Variants in NEBL observed in about 807,000 individuals in gnomAD.
NEBL encodes the protein LIM and SH3 protein 2.
NEBL carries 122 observed loss-of-function variants against 140.2 expected under a neutral mutation model. The observed-to-expected ratio is 0.87, with a 90% CI of 0.75 to 1.01. NEBL has a LOEUF of 1.01. Ranked by LOEUF, NEBL falls within the 50% of genes least tolerant of loss-of-function variation. NEBL has a pLI of 0.00. For synonymous variants in NEBL, 436 were observed against 398.9 expected, an observed-to-expected ratio of 1.09 and a Z score of -1.11; for missense variants, 1,365 against 1,231.3, an observed-to-expected ratio of 1.11 and a Z score of -1.62.
At chr10:21,229,492 T>G (rs1307667861) in intron 3 of NEBL, among the ~76,000 whole-genome samples, 1 of 152,212 alleles carries the variant, frequency 6.6e-6, no homozygotes, top group East Asian at 1.9e-4. Flanking sequence ...AAAGGCAGCA[T>G]GAATTAGTCA....
intron 21 of NEBL, among the ~76,000 whole-genome samples, 165 bp downstream of exon 21, chr10:20,817,435 G>A (rs774388536): frequency 6.6e-6 from 1 of 152,150 alleles, no homozygotes; most frequent in Non-Finnish European, 1.5e-5. Context: ...ACACCTGACT[G>A]TACCCACAAT....
At chr10:20,813,135 C>A (rs1460533237) in intron 23 of NEBL, among the ~76,000 whole-genome samples, 195 bp from the exon 24 acceptor site, 1 of 151,692 alleles carries the variant, frequency 6.6e-6, no homozygotes, top group African/African-American at 2.4e-5. Flanking sequence ...GATATTTTCA[C>A]AAAGTTTTTA....
intron 5 of NEBL, among the ~76,000 whole-genome samples, chr10:20,870,268 G>T (rs1156331188): frequency 6.8e-6 from 1 of 147,750 alleles, no homozygotes; most frequent in Admixed American, 6.9e-5. Flanking sequence ...AGAGGTTGCA[G>T]TGCACCAAGA....
intron 2 of NEBL, among the ~76,000 whole-genome samples, chr10:21,094,499 C>CAAAAAAAAAAAA (rs72278772): frequency 1.6e-5 from 1 of 63,186 alleles, no homozygotes; most frequent in Admixed American, 2.9e-4. Context: ...GACTCCGTCT[C>CAAAAAAAAAAAA]AAAAAAAAAA....
At chr10:21,227,653 T>TTTCTTCTTCTTCTTCTTCTTCTTCTTC (rs549558619) in intron 3 of NEBL, among the ~76,000 whole-genome samples, 8 of 83,242 alleles carry the variant, frequency 9.6e-5, no homozygotes, top group South Asian at 4.2e-4. Flanking sequence ...GCACTTGAAG[T>TTTCTTCTTCTTCTTCTTCTTCTTCTTC]TTCTTCTTCT....
rs41277364 is a variant in NEBL at position 20,787,183 on chromosome 10, G to A, written c.2868+19C>T. 38 of 1,557,328 alleles carry A rather than the reference G, an allele frequency of 2.4e-5. No individual in the cohort carries two copies. The highest frequency in any genetic ancestry group is 1.5e-4 in the South Asian group (13 of 88,048). Reference sequence around the variant, plus strand: ...ATGGGAAGACCAGCTAAGGAGGAACGTATCAAATGGACACTTACTAGATTT... The same window carrying A: ...ATGGGAAGACCAGCTAAGGAGGAACATATCAAATGGACACTTACTAGATTT... On this transcript the variant is annotated intron_variant, in intron 27 of 27. Coordinates refer to ENST00000377122, the MANE Select transcript of NEBL (RefSeq NM_006393.3).
chr10:21,282,366 C>T (rs1027124109), intron 1 of NEBL, among the ~76,000 whole-genome samples: 5 of 152,190 alleles, frequency 3.3e-5, no homozygotes, highest in Non-Finnish European at 7.4e-5. Flanking sequence ...AGGAAAGGTG[C>T]AAACAAACAA....
intron 3 of NEBL, among the ~76,000 whole-genome samples, chr10:21,187,538 A>G (rs970627818): frequency 1.3e-4 from 20 of 151,436 alleles, no homozygotes; most frequent in African/African-American, 4.8e-4. Flanking sequence ...TGTTATTACT[A>G]AGGTCAGATC....
At chr10:20,993,147 G>A (rs1441708294) in intron 3 of NEBL, among the ~76,000 whole-genome samples, 8 of 152,026 alleles carry the variant, frequency 5.3e-5, no homozygotes, top group African/African-American at 1.2e-4. Context: ...TCTACGTGAC[G>A]TTTTAAAACA....
At chr10:20,882,735 A>G (rs1846134036) in intron 4 of NEBL, among the ~76,000 whole-genome samples, 1 of 150,560 alleles carries the variant, frequency 6.6e-6, no homozygotes, top group African/African-American at 2.5e-5. Context: ...GAATCTTGTC[A>G]TCCAAAAAAA....
At chr10:21,262,429 G>A (rs1279954697) in intron 1 of NEBL, among the ~76,000 whole-genome samples, 1 of 152,194 alleles carries the variant, frequency 6.6e-6, no homozygotes, top group East Asian at 1.9e-4. Flanking sequence ...CTGGCCCCAC[G>A]CCTGTTCCCT....
intron 3 of NEBL, chr10:21,020,011 C>A: frequency 1.0e-6 from 1 of 990,440 alleles, no homozygotes; most frequent in Non-Finnish European, 1.6e-6. Flanking sequence ...GCCTCCACAC[C>A]GGCTGGTGAC....
At chr10:21,045,756 G>A (rs1192479024) in intron 2 of NEBL, among the ~76,000 whole-genome samples, 1 of 152,184 alleles carries the variant, frequency 6.6e-6, no homozygotes, top group Non-Finnish European at 1.5e-5. Context: ...CTTGTACATT[G>A]TTGATGAAAA....
At position 21,050,618 on chromosome 10, in the gene NEBL, G is replaced by C. The variant is rs552162488; in HGVS notation, c.165-30417C>G. Among the ~76,000 whole-genome samples the C allele has an allele frequency of 4.6e-5, 7 of 152,238 alleles. No individual in the cohort carries two copies. The South Asian group carries it at 1.5e-3, about 32-fold the overall frequency. ...AAAGTGAGGAACGGGTGCAGCGTGGGCGTTTGGCTTAATTTGACTGCGTAG... is the reference window on the plus strand; with the variant it reads ...AAAGTGAGGAACGGGTGCAGCGTGGCCGTTTGGCTTAATTTGACTGCGTAG... On this transcript the variant is annotated intron_variant, in intron 2 of 6. Coordinates refer to the NEBL transcript ENST00000417816.
chr10:21,213,703 T>G (rs552737788), intron 3 of NEBL, among the ~76,000 whole-genome samples: 1 of 152,314 alleles, frequency 6.6e-6, no homozygotes, highest in East Asian at 1.9e-4. Flanking sequence ...GAGAAAAACC[T>G]TAGAAATGGG....
intron 24 of NEBL, 106 bp downstream of exon 24, chr10:20,812,663 C>T (rs1838274288): frequency 1.4e-6 from 2 of 1,399,164 alleles, no homozygotes; most frequent in African/African-American, 2.8e-5. Flanking sequence ...GGTACCACAA[C>T]CAACATGTGA....
chr10:20,892,641 T>C (rs929201382), intron 2 of NEBL, among the ~76,000 whole-genome samples: 2 of 152,198 alleles, frequency 1.3e-5, no homozygotes, highest in Non-Finnish European at 1.5e-5. Flanking sequence ...GTCCCAAACA[T>C]TGACCTTCTC....
chr10:21,025,104 G>C (rs1838971589), intron 2 of NEBL, among the ~76,000 whole-genome samples: 1 of 151,908 alleles, frequency 6.6e-6, no homozygotes. Context: ...AAGAATGTAG[G>C]AAGAAGACAC....
intron 2 of NEBL, among the ~76,000 whole-genome samples, chr10:21,163,671 A>G (rs1840646504): frequency 6.6e-6 from 1 of 152,194 alleles, no homozygotes; most frequent in Non-Finnish European, 1.5e-5. Flanking sequence ...TGAGTCTCAG[A>G]GTGCTAATCA....
Sources: allele counts gnomAD v4.1 joint callset (sites outside exome capture counted in the v4.1 genomes callset), GRCh38; gene constraint gnomAD v4.1.1; transcripts MANE v1.5; gene names NCBI Gene and HGNC (gene_info 2026-07-23, HGNC 2026-07-21).